The following DMXL2 variants were observed in gnomAD, a reference collection of about 807,000 sequenced individuals.
The protein encoded by DMXL2 is Dmx like 2.
In DMXL2, 103 loss-of-function variants were observed where a neutral mutation model predicts 331.1. The observed-to-expected ratio is 0.31, with a 90% CI of 0.27 to 0.37. The LOEUF is 0.37. Ranked by LOEUF, DMXL2 falls within the 10% of genes least tolerant of loss-of-function variation. The pLI is 1.00. For synonymous variants in DMXL2, 1,281 were observed against 1,252.1 expected (o/e 1.02, Z -0.49); for missense variants, 3,171 against 3,642.9 (o/e 0.87, Z 3.33).
intron 9 of DMXL2, among the ~76,000 whole-genome samples, chr15:51,540,348 T>C (rs2048520151): frequency 6.6e-6 from 1 of 152,224 alleles, no homozygotes; most frequent in African/African-American, 2.4e-5. Flanking sequence ...ATAACAGTAT[T>C]ACAGCTATGG....
intron 26 of DMXL2, among the ~76,000 whole-genome samples, 188 bp from the exon 27 acceptor site, chr15:51,476,907 C>G (rs1007547523): frequency 6.6e-6 from 1 of 151,986 alleles, no homozygotes; most frequent in Non-Finnish European, 1.5e-5. Flanking sequence ...TTCTTTTAAA[C>G]AAAGTAACAA....
At position 51,448,038 on chromosome 15, in the gene DMXL2, T is replaced by C. The variant is rs76328997; in HGVS notation, c.*946A>G. ...AAAATAATGACAACATTGGCTAATA[T>C]TTTACAAGCAAATATTTAACTCTGC... is the stretch of plus-strand genomic sequence containing the variant. On this transcript the variant is annotated 3_prime_UTR_variant, in exon 44 of 44. Coordinates refer to ENST00000560891, the MANE Select transcript of DMXL2 (RefSeq NM_001378457.1). The C allele has an allele frequency of 0.026, 3,919 of 152,760 alleles. 65 individuals are homozygous for C. Among genetic ancestry groups the C allele is most frequent in the Middle Eastern group, 0.048 (14 of 294 alleles). The allele number at this position is 152,760 out of a possible 1,614,324, so 9.5% of individuals were successfully genotyped here. A position where few individuals can be genotyped will look rare whatever the true frequency, so the allele number is the denominator to read the frequency against.
chr15:51,587,182 T>C (rs1243482362), intron 1 of DMXL2, among the ~76,000 whole-genome samples: 1 of 152,244 alleles, frequency 6.6e-6, no homozygotes, highest in Non-Finnish European at 1.5e-5. Context: ...ACTTTTTTTA[T>C]TATACTTTAA....
chr15:51,574,936 C>T (rs2050919181), intron 2 of DMXL2, among the ~76,000 whole-genome samples: 1 of 152,160 alleles, frequency 6.6e-6, no homozygotes, highest in Admixed American at 6.6e-5. Flanking sequence ...GCTTAAGCTA[C>T]CTTGCTTGGC....
chr15:51,586,346 G>C (rs1390814333), intron 1 of DMXL2, among the ~76,000 whole-genome samples: 1 of 151,964 alleles, frequency 6.6e-6, no homozygotes, highest in Non-Finnish European at 1.5e-5. Context: ...TATGTCGAGG[G>C]AAACATAAGA....
Position 51,481,066 on chromosome 15 carries a change from C to A in DMXL2, c.6040G>T (p.Ala2014Ser), listed in dbSNP as rs199547673. Residue 2014 changes from alanine to serine, a missense_variant, in exon 24 of 44, where the codon GCC (alanine) becomes TCC (serine). Ala to Ser is a moderately conservative substitution (Grantham distance 99). Transcript: ENST00000560891. Reference sequence around the variant, plus strand: ...GTTAATAACATGTTAGGGTCTGAGGCCTTCTGATCTGATTGTTTATCTTTT... The same window carrying A: ...GTTAATAACATGTTAGGGTCTGAGGACTTCTGATCTGATTGTTTATCTTTT... The part of the protein sequence containing the change: ...REKDKQSDQK[A>S]SDPNMLLTPQ... The A allele has an allele frequency of 1.2e-6, 2 of 1,613,932 alleles. No individual in the cohort carries two copies. Among genetic ancestry groups the A allele is most frequent in the Non-Finnish European group, 1.7e-6 (2 of 1,179,894 alleles).
intron 28 of DMXL2, among the ~76,000 whole-genome samples, chr15:51,474,005 G>A (rs1427821077): frequency 6.9e-6 from 1 of 144,316 alleles, no homozygotes; most frequent in East Asian, 2.1e-4. Flanking sequence ...TTTTGTTTTT[G>A]CTTTTTTTTT....
intron 29 of DMXL2, among the ~76,000 whole-genome samples, chr15:51,468,336 C>T (rs1010334662): frequency 6.6e-6 from 1 of 152,144 alleles, no homozygotes; most frequent in African/African-American, 2.4e-5. Context: ...AACTCAAACA[C>T]TAGTGGAATA....
At chr15:51,570,467 G>C (rs188367790) in intron 2 of DMXL2, among the ~76,000 whole-genome samples, 2 of 152,144 alleles carry the variant, frequency 1.3e-5, no homozygotes, top group Admixed American at 6.5e-5. Context: ...TCCTCGAGAA[G>C]AGCAACCCCA....
At chr15:51,522,405 G>A (rs1047350937) in intron 13 of DMXL2, among the ~76,000 whole-genome samples, 1 of 152,226 alleles carries the variant, frequency 6.6e-6, no homozygotes, top group Non-Finnish European at 1.5e-5. Flanking sequence ...CAGCACTTGG[G>A]AGGCCGAGGC....
intron 13 of DMXL2, among the ~76,000 whole-genome samples, chr15:51,529,594 A>T (rs2047885247): frequency 6.6e-6 from 1 of 152,192 alleles, no homozygotes; most frequent in Non-Finnish European, 1.5e-5. Flanking sequence ...AAAACAAGTA[A>T]CAAGATCAAA....
At chr15:51,620,432 A>G (rs1011543545) in intron 1 of DMXL2, among the ~76,000 whole-genome samples, 4 of 152,212 alleles carry the variant, frequency 2.6e-5, no homozygotes, top group Non-Finnish European at 5.9e-5. Context: ...AGTTTAGAGT[A>G]AGAAGATCAG....
intron 15 of DMXL2, among the ~76,000 whole-genome samples, chr15:51,512,002 A>G (rs536860354): frequency 7.9e-5 from 12 of 152,082 alleles, no homozygotes; most frequent in Non-Finnish European, 1.6e-4. Flanking sequence ...GAGAACACAC[A>G]GACACAGGGA....
Position 51,537,563 on chromosome 15 carries a change from A to C in DMXL2, c.1542T>G (p.Pro514=), listed in dbSNP as rs1235310415. 5 of 1,613,886 alleles carry C rather than the reference A, an allele frequency of 3.1e-6. No individual in the cohort carries two copies. The highest frequency in any genetic ancestry group is 4.2e-6 in the Non-Finnish European group (5 of 1,179,840). Residue 514 remains proline, a synonymous_variant, in exon 11 of 44, where the codon CCT becomes CCG. Transcript: ENST00000560891. ...GCCACACTAGAAAGGTACCATCTACAGGGTGTATTGTAAAAAGCATATCAG... is the reference window on the plus strand; with the variant it reads ...GCCACACTAGAAAGGTACCATCTACCGGGTGTATTGTAAAAAGCATATCAG... ...KNPDMLFTIH[P]VDGTFLVWHV...
At chr15:51,603,545 T>C (rs947201237) in intron 1 of DMXL2, 1 of 152,078 alleles carries the variant, frequency 6.6e-6, no homozygotes, top group African/African-American at 2.4e-5. Context: ...TAACACCTAT[T>C]CTACATAATC....
At chr15:51,586,221 G>A (rs907185160) in intron 1 of DMXL2, among the ~76,000 whole-genome samples, 4 of 152,114 alleles carry the variant, frequency 2.6e-5, no homozygotes, top group African/African-American at 4.8e-5. Context: ...ACCTAATAAC[G>A]ACTGCTTGTG....
At position 51,498,648 on chromosome 15, in the gene DMXL2, G is replaced by A; in HGVS notation, c.4576C>T (p.Leu1526Phe). The A allele has an allele frequency of 1.2e-6, 2 of 1,614,144 alleles. No homozygotes were observed. Among genetic ancestry groups the A allele is most frequent in the Non-Finnish European group, 1.7e-6 (2 of 1,180,018 alleles). Residue 1526 changes from leucine to phenylalanine, a missense_variant, in exon 18 of 44, where the codon CTT becomes TTT. This residue lies in a region of DMXL2 where 252 missense variants were observed against 387.4 expected (regional missense o/e 0.65). Transcript: ENST00000560891. The part of the protein sequence containing the change: ...SHLMHSSLPG[L>F]TRLEQMFLVA... ...AGGAACATCTGCTCCAAACGGGTAA[G>A]GCCTGGTAGACTTGAGTGCATAAGA...
At chr15:51,498,375 G>A (rs983378198) in intron 18 of DMXL2, among the ~76,000 whole-genome samples, 177 bp downstream of exon 18, 1 of 152,074 alleles carries the variant, frequency 6.6e-6, no homozygotes, top group Non-Finnish European at 1.5e-5. Flanking sequence ...TTCATATGCC[G>A]GCCTCAACCG....
At chr15:51,604,578 A>G (rs907648183) in intron 1 of DMXL2, among the ~76,000 whole-genome samples, 1 of 152,232 alleles carries the variant, frequency 6.6e-6, no homozygotes, top group Admixed American at 6.5e-5. Flanking sequence ...CTATATGCAT[A>G]AACACTGATG....
Sources: allele counts gnomAD v4.1 joint callset (sites outside exome capture counted in the v4.1 genomes callset), GRCh38; gene constraint gnomAD v4.1.1; regional missense constraint gnomAD v4.1.1; transcripts MANE v1.5; gene names NCBI Gene and HGNC (gene_info 2026-07-23, HGNC 2026-07-21).